SBNO2: variants seen among roughly 807,000 people sequenced by gnomAD.
SBNO2 encodes the protein strawberry notch homolog 2, also known as protein strawberry notch homolog 2.
SBNO2 carries 89 observed loss-of-function variants against 146.3 expected under a neutral mutation model. The observed-to-expected ratio is 0.61, with a 90% CI of 0.51 to 0.73. SBNO2 has a LOEUF of 0.73. Among genes scored for constraint, SBNO2 ranks in the 30% least tolerant of loss-of-function variants. SBNO2 has a pLI of 0.00. For synonymous variants in SBNO2, 1,147 were observed against 892.6 expected (o/e 1.29, Z -5.08); for missense variants, 2,092 against 2,003.7 (o/e 1.04, Z -0.84).
At chr19:1,149,883 G>C (rs1428104802) in intron 2 of SBNO2, among the ~76,000 whole-genome samples, 2 of 152,232 alleles carry the variant, frequency 1.3e-5, no homozygotes, top group Non-Finnish European at 2.9e-5. Context: ...GTGGGTGTCG[G>C]GGGCTCCTCG....
chr19:1,116,770 A>C (rs2079836644), intron 16 of SBNO2, 59 bp downstream of exon 16: 1 of 1,423,036 alleles, frequency 7.0e-7, no homozygotes. Context: ...AGGTGGCCAC[A>C]GAGAGGGGTG....
chr19:1,116,111 T>G lies in SBNO2; in HGVS notation c.1803-8A>C. ...AGCGACAGGAACACGCCTCTGAAAG[T>G]GAGACGCGGAGTTTATTCTCACACG... On this transcript the variant is annotated splice_polypyrimidine_tract_variant and splice_region_variant and intron_variant, in intron 16 of 31. Transcript: ENST00000361757. 1 of 1,603,324 alleles carries G rather than the reference T, an allele frequency of 6.2e-7. No individual in the cohort carries two copies. The highest frequency in any genetic ancestry group is 1.1e-5 in the South Asian group (1 of 90,264).
intron 1 of SBNO2, among the ~76,000 whole-genome samples, chr19:1,164,230 G>C (rs944991481): frequency 1.3e-5 from 2 of 152,202 alleles, no homozygotes; most frequent in African/African-American, 4.8e-5. Context: ...TCCCAAGCTC[G>C]GAGATGGCCA....
chr19:1,136,700 T>G lies in SBNO2; in HGVS notation c.280-8935A>C, dbSNP rs375736810. 1.3e-5 allele frequency among the ~76,000 whole-genome samples: 2 copies of G among 152,192 alleles called. No homozygotes were observed. The highest frequency in any genetic ancestry group is 4.8e-5 in the African/African-American group (2 of 41,454). ...AATGCCAGTAACTGTGGGGGCTCCG[T>G]GGTGCCGGATGGGCCGAGGCATCTG... is the stretch of plus-strand genomic sequence containing the variant. On this transcript the variant is annotated intron_variant, in intron 4 of 31. Transcript: ENST00000361757. The surrounding 1 kb of genome is among the most constrained non-coding windows in gnomAD (Gnocchi z 4.2).
chr19:1,116,160 G>C, intron 16 of SBNO2, 57 bp from the exon 17 acceptor site: 1 of 1,527,532 alleles, frequency 6.5e-7, no homozygotes, highest in Non-Finnish European at 8.9e-7. Context: ...AGGCGGGGTT[G>C]CTCTCCAGGA....
At chr19:1,121,340 T>C (rs991097326) in intron 11 of SBNO2, among the ~76,000 whole-genome samples, 5 of 152,188 alleles carry the variant, frequency 3.3e-5, no homozygotes, top group South Asian at 4.1e-4. Flanking sequence ...ATTTCGTAGA[T>C]TGTTGCACAT....
At chr19:1,142,181 ATGAT>A (rs2080146215) in intron 4 of SBNO2, among the ~76,000 whole-genome samples, 1 of 114,076 alleles carries the variant, frequency 8.8e-6, no homozygotes, top group African/African-American at 3.5e-5. Flanking sequence ...CTCCCTCCCC[ATGAT>A]CAACCCTCAC....
chr19:1,129,954 C>T (rs533298171), intron 4 of SBNO2, among the ~76,000 whole-genome samples: 4 of 152,296 alleles, frequency 2.6e-5, no homozygotes, highest in African/African-American at 9.6e-5. Flanking sequence ...ACAGGGTCCT[C>T]CCGCCCAGGG....
Position 1,109,558 on chromosome 19 carries a change from G to A in SBNO2, c.3164C>T (p.Ala1055Val), listed in dbSNP as rs1214974496. Residue 1055 changes from alanine (A) to valine (V), a missense_variant, in exon 28 of 32, where the codon GCC becomes GTC. By Grantham distance (64) the Ala-to-Val change is moderately conservative. Coordinates refer to ENST00000361757, the MANE Select transcript of SBNO2 (RefSeq NM_014963.3). This position sits in a 1 kb window ranked among gnomAD's most constrained non-coding sequence, Gnocchi z 4.2. ...GGGGCCCGTCAGCGCCAGCGACTTG[G>A]CAAAGGCGTCCTCCCACTTCAGGCC... ...DRGLKWEDAF[A>V]KSLALTGPYD... is the part of the protein sequence containing the mutation. The A allele has an allele frequency of 3.8e-6, 6 of 1,599,310 alleles. No individual in the cohort carries two copies. Among genetic ancestry groups the A allele is most frequent in the Middle Eastern group, 1.7e-4 (1 of 6,030 alleles).
rs1216777852 is a variant in SBNO2, at chr19:1,119,499, G to C, written c.1373+17C>G. ...CACCCCCCGCCGCCCCTCCACGTGG[G>C]TGAGAAGGGCACTCACCTCTTCTCG... On this transcript the variant is annotated intron_variant, in intron 13 of 31. Transcript: ENST00000361757. 1.9e-6 allele frequency: 3 copies of C among 1,570,598 alleles called. No homozygotes were observed. In the South Asian group the frequency reaches 3.4e-5, roughly 18 times the overall value.
rs1427816328 is a variant in SBNO2 at position 1,136,577 on chromosome 19, C to T, written c.280-8812G>A. Among the ~76,000 whole-genome samples, 2 of 152,210 alleles carry T rather than the reference C, an allele frequency of 1.3e-5. No homozygotes were observed. Among genetic ancestry groups the T allele is most frequent in the African/African-American group, 4.8e-5 (2 of 41,456 alleles). On this transcript the variant is annotated intron_variant, in intron 4 of 31. Coordinates refer to ENST00000361757, the MANE Select transcript of SBNO2 (RefSeq NM_014963.3). The surrounding 1 kb of genome is among the most constrained non-coding windows in gnomAD (Gnocchi z 4.2). The stretch of plus-strand genomic sequence containing the variant: ...GACCAGGGGACAGAAGGTGGCTCTT[C>T]TTGGCCTTGGCTGGGTGTGAACCAA...
Position 1,173,437 on chromosome 19 carries a change from A to G in SBNO2, c.-127+735T>C, listed in dbSNP as rs1047201144. Among the ~76,000 whole-genome samples, 3 of 152,082 alleles carry G rather than the reference A, an allele frequency of 2.0e-5. 1 individual carries two copies. The highest frequency in any genetic ancestry group is 7.2e-5 in the African/African-American group (3 of 41,406). On this transcript the variant is annotated intron_variant, in intron 1 of 31. Transcript: ENST00000361757. This position sits in a 1 kb window ranked among gnomAD's most constrained non-coding sequence, Gnocchi z 4.7. ...GCAAGCCCCCATCCCAAACCGGGGG[A>G]CCTCCATGCAGAAACCGAAAAACCA...
chr19:1,126,866 C>G lies in SBNO2; in HGVS notation c.441+738G>C, dbSNP rs1172502584. Among the ~76,000 whole-genome samples, 1 of 152,202 alleles carries G rather than the reference C, an allele frequency of 6.6e-6. No homozygotes were observed. The highest frequency in any genetic ancestry group is 1.5e-5 in the Non-Finnish European group (1 of 68,018). On this transcript the variant is annotated intron_variant, in intron 5 of 31. Coordinates refer to ENST00000361757, the MANE Select transcript of SBNO2 (RefSeq NM_014963.3). This position sits in a 1 kb window ranked among gnomAD's most constrained non-coding sequence, Gnocchi z 4.4. ...TGGCTCCCAGCCATGCCTCCCTCAC[C>G]AGACACCTCCACTGAGTCGCACTGG...
At chr19:1,132,687 C>T (rs1182821291) in intron 4 of SBNO2, among the ~76,000 whole-genome samples, 1 of 152,212 alleles carries the variant, frequency 6.6e-6, no homozygotes, top group Non-Finnish European at 1.5e-5. Context: ...CCCCACCCCA[C>T]CCCTGCAGGC....
chr19:1,141,578 C>T (rs1163064461), intron 4 of SBNO2, among the ~76,000 whole-genome samples: 2 of 151,976 alleles, frequency 1.3e-5, no homozygotes, highest in Admixed American at 6.6e-5. Context: ...GCTGGATCCA[C>T]GTGTCCTTCA....
chr19:1,118,927 CGCCT>C, intron 14 of SBNO2, 80 bp downstream of exon 14: 1 of 1,411,728 alleles, frequency 7.1e-7, no homozygotes, highest in Non-Finnish European at 9.6e-7. Flanking sequence ...CACCTGATGA[CGCCT>C]GTGGCATCTG....
chr19:1,159,040 C>T (rs925715099), intron 1 of SBNO2, among the ~76,000 whole-genome samples: 2 of 151,236 alleles, frequency 1.3e-5, no homozygotes, highest in African/African-American at 4.9e-5. Context: ...ACCCCACCTG[C>T]AGCCATGACC....
chr19:1,147,767 G>A (rs574562440), intron 3 of SBNO2, among the ~76,000 whole-genome samples: 1 of 152,064 alleles, frequency 6.6e-6, no homozygotes, highest in Admixed American at 6.6e-5. Context: ...CCCCAGCCTG[G>A]CCATCCCTCC....
chr19:1,119,874 G>A (rs753980327), intron 12 of SBNO2, 32 bp downstream of exon 12: 21 of 1,468,410 alleles, frequency 1.4e-5, no homozygotes, highest in South Asian at 3.6e-5. Flanking sequence ...ACGCTGCTGC[G>A]GGTGGGTCAC....
Sources: allele counts gnomAD v4.1 joint callset (sites outside exome capture counted in the v4.1 genomes callset), GRCh38; gene constraint gnomAD v4.1.1; non-coding constraint Gnocchi (gnomAD v3.1); transcripts MANE v1.5; gene names NCBI Gene and HGNC (gene_info 2026-07-23, HGNC 2026-07-21).